Variants in CEP170B observed in about 807,000 individuals in gnomAD.
The protein encoded by CEP170B is centrosomal protein of 170 kDa protein B.
A neutral mutation model predicts 120.6 loss-of-function variants in CEP170B; 55 were observed. The observed-to-expected ratio is 0.46, with a 90% confidence interval of 0.37 to 0.57. The LOEUF (loss-of-function observed/expected upper bound fraction) is 0.57. CEP170B is among the 20% of genes least tolerant of loss of function. The pLI is 0.00. For missense variants in CEP170B, 2,212 were observed against 2,253.3 expected, an observed-to-expected ratio of 0.98 and a Z score of 0.37; for synonymous variants, 1,033 against 954.5, an observed-to-expected ratio of 1.08 and a Z score of -1.52.
chr14:104,879,604 GGT>G (rs1407259354), intron 5 of CEP170B, among the ~76,000 whole-genome samples: 1 of 152,158 alleles, frequency 6.6e-6, no homozygotes, highest in East Asian at 1.9e-4. Flanking sequence ...CCCCTCAGGA[GGT>G]AACAGCTGCC....
At chr14:104,883,550 A>G in intron 8 of CEP170B, 42 bp downstream of exon 8, 1 of 1,493,836 alleles carries the variant, frequency 6.7e-7, no homozygotes, top group Non-Finnish European at 9.0e-7. Context: ...CGGGACAGGC[A>G]GGGGACCGGA....
chr14:104,883,067 G>A lies in CEP170B; in HGVS notation c.610G>A (p.Glu204Lys). ...CAAGGGACCAGTGCAGCAGGACGGG[G>A]AGCTCCACGGCTTCCGCGCCCCTGC... is the stretch of plus-strand genomic sequence containing the variant. ...RPKGPVQQDGELHGFRAPAEP... is the reference protein window; with the variant it reads ...RPKGPVQQDGKLHGFRAPAEP... The change falls in exon 8 of 19, where the codon GAG becomes AAG. Residue 204 changes from glutamate to lysine, a missense_variant. Coordinates refer to ENST00000414716, the MANE Select transcript of CEP170B (RefSeq NM_001112726.3). 6.4e-7 allele frequency: 1 copy of A among 1,552,582 alleles called. No individual in the cohort carries two copies. Among genetic ancestry groups the A allele is most frequent in the South Asian group, 1.2e-5 (1 of 85,142 alleles).
intron 12 of CEP170B, among the ~76,000 whole-genome samples, chr14:104,889,215 A>G (rs887114123): frequency 4.6e-5 from 7 of 152,024 alleles, no homozygotes; most frequent in African/African-American, 1.7e-4. Context: ...CTGCTTTCCC[A>G]CCACCTGTAA....
At chr14:104,872,153 T>TGCGTGTGTGCC (rs1381153110) in intron 2 of CEP170B, among the ~76,000 whole-genome samples, 3 of 148,178 alleles carry the variant, frequency 2.0e-5, no homozygotes, top group Non-Finnish European at 4.5e-5. Context: ...GCCGTGTGTG[T>TGCGTGTGTGCC]GCGTGTGTGC....
In CEP170B at chr14:104,891,027, A is replaced by G. The variant is rs1432479400; in HGVS notation, c.3878+1269A>G. Among the ~76,000 whole-genome samples, 184 of 97,082 alleles carry G rather than the reference A, an allele frequency of 1.9e-3. No individual in the cohort carries two copies. Among genetic ancestry groups the G allele is most frequent in the African/African-American group, 7.1e-3 (173 of 24,414 alleles). 63.7% of individuals were successfully genotyped at this position (97,082 alleles called of 152,430 possible). On this transcript the variant is annotated intron_variant, in intron 13 of 18. Transcript: ENST00000414716. This position sits in a 1 kb window ranked among gnomAD's most constrained non-coding sequence, Gnocchi z 4.3. ...GATGGATGGATGAGTGGGTGGGTGG[A>G]TGGATGGATGGATGGATGGATGAGT...
intron 5 of CEP170B, among the ~76,000 whole-genome samples, chr14:104,879,770 G>A (rs544857536): frequency 1.3e-5 from 2 of 152,326 alleles, no homozygotes; most frequent in South Asian, 2.1e-4. Context: ...CCTGTGGGGG[G>A]CGTGAGGGTC....
At position 104,886,600 on chromosome 14, in the gene CEP170B, G is replaced by A; in HGVS notation, c.2361G>A (p.Arg787=). Residue 787 remains arginine, a synonymous_variant, in exon 12 of 19, where the codon AGG becomes AGA. Coordinates refer to ENST00000414716, the MANE Select transcript of CEP170B (RefSeq NM_001112726.3). ...PTWSRGRRSP[R]APGEPTPASF... ...GGAGCAGGGGTCGGCGCTCACCAAG[G>A]GCCCCCGGGGAGCCAACTCCCGCCT... 1 of 1,517,518 alleles carries A rather than the reference G, an allele frequency of 6.6e-7. No individual in the cohort carries two copies. The highest frequency in any genetic ancestry group is 8.8e-7 in the Non-Finnish European group (1 of 1,135,572). 94.0% of individuals were successfully genotyped at this position (1,517,518 alleles called of 1,614,324 possible).
In CEP170B at chr14:104,886,001, G is replaced by C. The variant is rs549332846; in HGVS notation, c.1945-39G>C. 49 of 1,496,516 alleles carry C rather than the reference G, an allele frequency of 3.3e-5. No individual in the cohort carries two copies. The East Asian group carries it at 6.5e-4, about 20-fold the overall frequency. 92.7% of individuals were successfully genotyped at this position (1,496,516 alleles called of 1,614,324 possible). On this transcript the variant is annotated intron_variant, in intron 10 of 18. Transcript: ENST00000414716. ...TGGCACCCCCTGCTTCTCGCCGTTG[G>C]GCTTGCGTGTGGAAACACTCCCACC...
chr14:104,889,052 AG>A (rs1896660148), intron 12 of CEP170B, among the ~76,000 whole-genome samples: 1 of 152,164 alleles, frequency 6.6e-6, no homozygotes, highest in Non-Finnish European at 1.5e-5. Context: ...CGGAACCTGA[AG>A]CTTTGGGTCT....
Position 104,894,547 on chromosome 14 carries a change from C to T in CEP170B, c.4376C>T (p.Ser1459Phe). 6.2e-7 allele frequency: 1 copy of T among 1,612,602 alleles called. No individual in the cohort carries two copies. Among genetic ancestry groups the T allele is most frequent in the Non-Finnish European group, 8.5e-7 (1 of 1,179,276 alleles). Residue 1459 changes from serine (S) to phenylalanine (F), a missense_variant, in exon 18 of 19, where the codon TCC (serine) becomes TTC (phenylalanine). This residue lies in a region of CEP170B where 2,166 missense variants were observed against 2,166.7 expected (regional missense o/e 1.00). Transcript: ENST00000414716. ...ILKTSNKEIS[S>F]ILKELRRVQK... ...CTGCCACGTTTCCAGGAAATCAGCT[C>T]CATCCTGAAGGAACTGAGGCGGGTG...
chr14:104,893,815 C>T lies in CEP170B; in HGVS notation c.4237C>T (p.Arg1413Cys), dbSNP rs779087928. Residue 1413 changes from arginine to cysteine, a missense_variant, in exon 16 of 19, where the codon CGT (arginine) becomes TGT (cysteine). Around this residue, in one of 2 missense-constraint regions of CEP170B, gnomAD observed 2,166 missense variants for 2,166.7 expected, o/e 1.00. Transcript: ENST00000414716. The part of the protein sequence containing the change: ...NPVSQLSQAI[R>C]ENTEHLAEKM... ...GGTGTCCCAGCTGTCGCAGGCCATCCGTGAGAACACAGAGCACCTTGCCGA... is the reference window on the plus strand; with the variant it reads ...GGTGTCCCAGCTGTCGCAGGCCATCTGTGAGAACACAGAGCACCTTGCCGA... 12 of 1,612,400 alleles carry T rather than the reference C, an allele frequency of 7.4e-6. No homozygotes were observed. The highest frequency in any genetic ancestry group is 2.2e-5 in the East Asian group (1 of 44,884).
At chr14:104,886,159 C>A in intron 11 of CEP170B, 29 bp downstream of exon 11, 3 of 1,503,014 alleles carry the variant, frequency 2.0e-6, no homozygotes. Context: ...GCGGGGGAGT[C>A]GGGCCAGGCC....
intron 5 of CEP170B, among the ~76,000 whole-genome samples, chr14:104,879,867 G>A (rs1386262429): frequency 6.6e-6 from 1 of 152,178 alleles, no homozygotes; most frequent in Non-Finnish European, 1.5e-5. Context: ...GAGCTCCCCG[G>A]GAGCCCTTTG....
rs766458202 is a variant in CEP170B at position 104,884,519 on chromosome 14, G to A, written c.1740G>A (p.Glu580=). 6.4e-6 allele frequency: 10 copies of A among 1,563,946 alleles called. No individual in the cohort carries two copies. Among genetic ancestry groups the A allele is most frequent in the Non-Finnish European group, 8.7e-6 (10 of 1,154,216 alleles). ...TCGAGACCGAGGCGCAGGACACGGA[G>A]GTGGAGGAGGCCCGGAAGATGATCG... The part of the protein sequence containing the change: ...YTIETEAQDT[E]VEEARKMIDQ... Residue 580 remains glutamate, a synonymous_variant, in exon 9 of 19, where the codon GAG becomes GAA. Coordinates refer to ENST00000414716, the MANE Select transcript of CEP170B (RefSeq NM_001112726.3).
intron 16 of CEP170B, 53 bp from the exon 17 acceptor site, chr14:104,894,232 T>C: frequency 7.3e-7 from 1 of 1,364,852 alleles, no homozygotes; most frequent in Non-Finnish European, 1.0e-6. Flanking sequence ...GTGCCTCAGC[T>C]CTGTCATCTC....
Position 104,896,478 on chromosome 14 carries a change from G to A in CEP170B, c.*1520G>A. ...CCCGCCTGCCCCTGGACATGAAGTG[G>A]TCACGCTTCATCCACGGCTCCTTCC... On this transcript the variant is annotated 3_prime_UTR_variant, in exon 19 of 19. Coordinates refer to ENST00000414716, the MANE Select transcript of CEP170B (RefSeq NM_001112726.3). 2.3e-6 allele frequency: 1 copy of A among 437,204 alleles called. No homozygotes were observed. Among genetic ancestry groups the A allele is most frequent in the Non-Finnish European group, 4.6e-6 (1 of 216,314 alleles). The allele number at this position is 437,204 out of a possible 1,614,324, so 27.1% of individuals were successfully genotyped here.
At chr14:104,885,568 G>A (rs923838625) in intron 10 of CEP170B, 26 bp downstream of exon 10, 13 of 1,535,614 alleles carry the variant, frequency 8.5e-6, no homozygotes, top group South Asian at 1.2e-5. Flanking sequence ...GCCACCCCAA[G>A]GAGGGGCTGG....
rs1314053079 is a variant in CEP170B at position 104,883,290 on chromosome 14, C to T, written c.833C>T (p.Pro278Leu). 5.0e-6 allele frequency: 8 copies of T among 1,612,100 alleles called. No individual in the cohort carries two copies. Among genetic ancestry groups the T allele is most frequent in the Non-Finnish European group, 6.8e-6 (8 of 1,179,712 alleles). ...ACCATCGAGTTTGATGACTGCAGCC[C>T]TGGCAAGATGAAGATCAAGGACCAT... ...SFTIEFDDCSPGKMKIKDHIT... is the reference protein window; with the variant it reads ...SFTIEFDDCSLGKMKIKDHIT... Residue 278 changes from proline (P) to leucine (L), a missense_variant, in exon 8 of 19, where the codon CCT becomes CTT. This residue lies in a region of CEP170B where 2,166 missense variants were observed against 2,166.7 expected (regional missense o/e 1.00). Transcript: ENST00000414716.
chr14:104,882,919 T>G (rs1595337959), intron 7 of CEP170B, 87 bp downstream of exon 7: 2 of 1,467,212 alleles, frequency 1.4e-6, no homozygotes, highest in African/African-American at 2.8e-5. Flanking sequence ...AGGAGCCCAC[T>G]CCGGGGGACA....
Sources: allele counts gnomAD v4.1 joint callset (sites outside exome capture counted in the v4.1 genomes callset), GRCh38; gene constraint gnomAD v4.1.1; regional missense constraint gnomAD v4.1.1; non-coding constraint Gnocchi (gnomAD v3.1); transcripts MANE v1.5; gene names NCBI Gene and HGNC (gene_info 2026-07-23, HGNC 2026-07-21).